The following PRKG2 variants were observed in gnomAD, a reference collection of about 807,000 sequenced individuals.
The protein encoded by PRKG2 is protein kinase cGMP-dependent 2.
A neutral mutation model predicts 97.2 loss-of-function variants in PRKG2; 33 were observed. The observed-to-expected ratio is 0.34, with a 90% CI of 0.26 to 0.45. The LOEUF (loss-of-function observed/expected upper bound fraction) is 0.45. PRKG2 is among the 20% of genes least tolerant of loss of function. The probability of loss-of-function intolerance (pLI) is 1.00; values close to 1 mark genes in which losing one functional copy is unlikely to be tolerated. For synonymous variants in PRKG2, 330 were observed against 321.8 expected, an observed-to-expected ratio of 1.03 and a Z score of -0.27; for missense variants, 638 against 900.0, an observed-to-expected ratio of 0.71 and a Z score of 3.73.
At chr4:81,157,387 T>C (rs997410545) in intron 6 of PRKG2, among the ~76,000 whole-genome samples, 4 of 152,198 alleles carry the variant, frequency 2.6e-5, no homozygotes, top group African/African-American at 7.2e-5. Context: ...CAGGAAGAAG[T>C]TGAATCTCTG....
chr4:81,153,774 C>A (rs1578431315), intron 6 of PRKG2, 53 bp from the exon 7 acceptor site: 1 of 1,295,684 alleles, frequency 7.7e-7, no homozygotes, highest in Non-Finnish European at 1.1e-6. Flanking sequence ...CCAAGATGGC[C>A]TAATAGGAAC....
intron 2 of PRKG2, among the ~76,000 whole-genome samples, chr4:81,203,783 T>A (rs1332324235): frequency 6.6e-6 from 1 of 152,190 alleles, no homozygotes; most frequent in African/African-American, 2.4e-5. Context: ...TATGTTCTTT[T>A]AAAAACTCAA....
chr4:81,187,377 C>A (rs1325796024), intron 2 of PRKG2, among the ~76,000 whole-genome samples: 2 of 152,158 alleles, frequency 1.3e-5, no homozygotes, highest in African/African-American at 4.8e-5. Flanking sequence ...ACAAAAACCA[C>A]ATGATTATCT....
chr4:81,087,687 T>G lies in PRKG2; in HGVS notation c.*2021A>C, dbSNP rs1432980238. 1.3e-5 allele frequency: 2 copies of G among 152,132 alleles called. No individual in the cohort carries two copies. The allele number at this position is 152,132 out of a possible 1,614,324, so 9.4% of individuals were successfully genotyped here. On this transcript the variant is annotated 3_prime_UTR_variant, in exon 19 of 19. Coordinates refer to ENST00000264399, the MANE Select transcript of PRKG2 (RefSeq NM_006259.3). ...AGTACTCAAAAAAGCTAAATCACTTTCCCAGAGTCACTCAGTTAGGAAATG... is the reference window on the plus strand; with the variant it reads ...AGTACTCAAAAAAGCTAAATCACTTGCCCAGAGTCACTCAGTTAGGAAATG...
chr4:81,206,266 T>G (rs1281233032), intron 1 of PRKG2, among the ~76,000 whole-genome samples: 2 of 152,212 alleles, frequency 1.3e-5, no homozygotes, highest in African/African-American at 4.8e-5. Flanking sequence ...TGATATCATT[T>G]GGCTGTGTCC....
chr4:81,212,476 G>C lies in PRKG2; in HGVS notation c.-14+2460C>G, dbSNP rs115277810. On this transcript the variant is annotated intron_variant, in intron 1 of 18. Coordinates refer to ENST00000264399, the MANE Select transcript of PRKG2 (RefSeq NM_006259.3). ...ATTTTTGAGTGGTGGCAAGAAGAAA[G>C]ACGATGAGGATTTGAAAGTTTATAC... Among the ~76,000 whole-genome samples the C allele has an allele frequency of 1.4e-3, 211 of 152,300 alleles. 2 individuals carry two copies. The highest frequency in any genetic ancestry group is 4.7e-3 in the African/African-American group (197 of 41,572).
intron 18 of PRKG2, 76 bp from the exon 19 acceptor site, chr4:81,089,879 T>C: frequency 8.3e-7 from 1 of 1,208,790 alleles, no homozygotes; most frequent in Non-Finnish European, 1.2e-6. Context: ...TAATGTTTTT[T>C]ATTTCAGAAC....
intron 17 of PRKG2, among the ~76,000 whole-genome samples, chr4:81,100,347 T>G (rs1473633461): frequency 6.6e-6 from 1 of 152,196 alleles, no homozygotes; most frequent in Non-Finnish European, 1.5e-5. Context: ...AACAGCATGT[T>G]ACTGGTACCA....
intron 6 of PRKG2, among the ~76,000 whole-genome samples, 193 bp from the exon 7 acceptor site, chr4:81,153,914 C>T (rs927363473): frequency 6.6e-6 from 1 of 152,080 alleles, no homozygotes; most frequent in Non-Finnish European, 1.5e-5. Context: ...GTGCGCGCAC[C>T]GTGCGCGAGC....
intron 2 of PRKG2, among the ~76,000 whole-genome samples, chr4:81,188,383 G>T (rs1328079297): frequency 6.8e-6 from 1 of 147,202 alleles, no homozygotes; most frequent in Admixed American, 6.6e-5. Flanking sequence ...ACAGGTGCTG[G>T]AGAGGATGTG....
At chr4:81,153,786 G>C (rs541037136) in intron 6 of PRKG2, 65 bp from the exon 7 acceptor site, 1 of 1,151,306 alleles carries the variant, frequency 8.7e-7, no homozygotes, top group Non-Finnish European at 1.3e-6. Context: ...AATAGGAACA[G>C]CTCCAGTATA....
upstream of PRKG2, among the ~76,000 whole-genome samples, chr4:81,216,891 T>TTGTG (rs68179456): frequency 0.034 from 4,442 of 131,454 alleles, 129 homozygotes; most frequent in African/African-American, 0.06. Flanking sequence ...TAGTATTCCA[T>TTGTG]TGTGTGTGTG....
chr4:81,162,276 C>CAGAGGAAT (rs578179535), intron 6 of PRKG2, among the ~76,000 whole-genome samples: 54 of 152,240 alleles, frequency 3.5e-4, no homozygotes, highest in African/African-American at 1.2e-3. Context: ...GAAAGTCTTC[C>CAGAGGAAT]AGAGGAATAT....
At chr4:81,142,029 T>C (rs940622297) in intron 11 of PRKG2, among the ~76,000 whole-genome samples, 2 of 152,180 alleles carry the variant, frequency 1.3e-5, no homozygotes, top group African/African-American at 2.4e-5. Context: ...AAAAATCTGA[T>C]GGGCAAAGAA....
At chr4:81,169,937 T>C (rs1320976451) in intron 4 of PRKG2, among the ~76,000 whole-genome samples, 169 bp from the exon 5 acceptor site, 1 of 152,100 alleles carries the variant, frequency 6.6e-6, no homozygotes, top group Non-Finnish European at 1.5e-5. Flanking sequence ...GTGAGCAATT[T>C]TATAAATCAT....
At chr4:81,167,811 A>C (rs184487253) in intron 5 of PRKG2, among the ~76,000 whole-genome samples, 1 of 152,116 alleles carries the variant, frequency 6.6e-6, no homozygotes, top group African/African-American at 2.4e-5. Context: ...AATTATAAAC[A>C]ACACCAAGGG....
intron 17 of PRKG2, among the ~76,000 whole-genome samples, chr4:81,101,356 C>T (rs1742744859): frequency 6.6e-6 from 1 of 152,110 alleles, no homozygotes; most frequent in African/African-American, 2.4e-5. Flanking sequence ...GAAAATGTGG[C>T]ACATATATAC....
chr4:81,203,750 A>G (rs1753465179), intron 2 of PRKG2, among the ~76,000 whole-genome samples: 1 of 152,138 alleles, frequency 6.6e-6, no homozygotes, highest in South Asian at 2.1e-4. Context: ...ACCCCTATAC[A>G]TGAATGCAGA....
intron 17 of PRKG2, among the ~76,000 whole-genome samples, chr4:81,100,675 A>G (rs936725846): frequency 6.6e-6 from 1 of 152,188 alleles, no homozygotes; most frequent in African/African-American, 2.4e-5. Context: ...TCATGTCTAA[A>G]ACACCAAAAG....
Sources: gnomAD v4.1 joint callset for allele counts (sites outside exome capture counted in the v4.1 genomes callset) on GRCh38, gnomAD v4.1.1 for gene constraint, MANE v1.5 for transcripts, NCBI Gene and HGNC (gene_info 2026-07-23, HGNC 2026-07-21) for gene names.